THSD4: variants seen among roughly 807,000 people sequenced by gnomAD.
THSD4 encodes the protein thrombospondin type-1 domain-containing protein 4.
Under a neutral mutation model 119.0 loss-of-function variants are expected in THSD4, and 69 were observed. The ratio of observed to expected loss-of-function variants is 0.58; its 90% CI spans 0.48 to 0.71. THSD4 has a LOEUF of 0.71. Among genes scored for constraint, THSD4 ranks in the 30% least tolerant of loss-of-function variants. THSD4 has a pLI of 0.00. For missense variants in THSD4, 1,393 were observed against 1,391.1 expected, an observed-to-expected ratio of 1.00 and a Z score of -0.02; for synonymous variants, 524 against 540.4, an observed-to-expected ratio of 0.97 and a Z score of 0.42.
intron 7 of THSD4, among the ~76,000 whole-genome samples, chr15:71,469,716 TG>T (rs1244426409): frequency 6.6e-6 from 1 of 152,234 alleles, no homozygotes; most frequent in Non-Finnish European, 1.5e-5. Context: ...TTCAGTCTGG[TG>T]ATCTCCCTCC....
intron 7 of THSD4, among the ~76,000 whole-genome samples, chr15:71,448,992 C>G (rs2047227688): frequency 6.6e-6 from 1 of 152,170 alleles, no homozygotes; most frequent in Non-Finnish European, 1.5e-5. Flanking sequence ...AACCCCCTTG[C>G]CTTCTGTTCA....
chr15:71,118,441 C>T (rs2040381456), intron 1 of THSD4, among the ~76,000 whole-genome samples: 1 of 152,166 alleles, frequency 6.6e-6, no homozygotes, highest in South Asian at 2.1e-4. Context: ...TGTGTCTCTT[C>T]CCTGCATTCT....
chr15:71,434,227 C>G (rs2046976928), intron 7 of THSD4, among the ~76,000 whole-genome samples: 1 of 152,056 alleles, frequency 6.6e-6, no homozygotes, highest in Non-Finnish European at 1.5e-5. Context: ...TAAATCGGTA[C>G]CATCTAAACA....
chr15:71,602,957 G>A (rs1335692777), intron 7 of THSD4, among the ~76,000 whole-genome samples: 1 of 152,198 alleles, frequency 6.6e-6, no homozygotes, highest in Admixed American at 6.5e-5. Flanking sequence ...GTAGCCACTG[G>A]TGAGAAGGCA....
At chr15:71,655,348 G>GT (rs891870838) in intron 7 of THSD4, among the ~76,000 whole-genome samples, 1 of 152,072 alleles carries the variant, frequency 6.6e-6, no homozygotes, top group Admixed American at 6.6e-5. Context: ...GTTTTGTTTT[G>GT]TTTTTTGCAC....
chr15:71,311,609 A>G (rs2045112159), intron 6 of THSD4, among the ~76,000 whole-genome samples: 1 of 152,052 alleles, frequency 6.6e-6, no homozygotes, highest in South Asian at 2.1e-4. Context: ...CTGCTTCCAC[A>G]TGTCCTCTTT....
At chr15:71,319,365 A>G (rs2140358690) in intron 6 of THSD4, among the ~76,000 whole-genome samples, 1 of 150,408 alleles carries the variant, frequency 6.6e-6, no homozygotes, top group Non-Finnish European at 1.5e-5. Flanking sequence ...TACATTAGGT[A>G]TTTCTCCTAA....
intron 8 of THSD4, among the ~76,000 whole-genome samples, chr15:71,719,301 TCA>T (rs1448184959): frequency 6.6e-6 from 1 of 152,186 alleles, no homozygotes; most frequent in Non-Finnish European, 1.5e-5. Context: ...TTTTAGAAAC[TCA>T]CACAGGTTTG....
At chr15:71,712,941 A>G (rs1237800034) in intron 8 of THSD4, among the ~76,000 whole-genome samples, 1 of 152,200 alleles carries the variant, frequency 6.6e-6, no homozygotes, top group African/African-American at 2.4e-5. Flanking sequence ...GGGAAGGGGA[A>G]TTTTTCAAGG....
intron 6 of THSD4, among the ~76,000 whole-genome samples, chr15:71,299,608 A>G (rs1292617257): frequency 6.6e-6 from 1 of 152,168 alleles, no homozygotes; most frequent in Middle Eastern, 3.2e-3. Context: ...GTTAGAAGGA[A>G]TAAGTTCTAG....
At chr15:71,114,833 T>C (rs1199264361), upstream of THSD4, 1 of 152,224 alleles carries the variant, frequency 6.6e-6, no homozygotes, top group East Asian at 1.9e-4. Context: ...AGGGTGTGTG[T>C]GTCTCCTCCC....
chr15:71,254,201 G>A (rs1162896525), intron 5 of THSD4, among the ~76,000 whole-genome samples: 1 of 152,190 alleles, frequency 6.6e-6, no homozygotes, highest in African/African-American at 2.4e-5. Context: ...TTTCTGCTAC[G>A]AAGACCTGCG....
At chr15:71,471,337 T>A (rs929676887) in intron 7 of THSD4, among the ~76,000 whole-genome samples, 2 of 152,142 alleles carry the variant, frequency 1.3e-5, no homozygotes, top group Admixed American at 1.3e-4. Context: ...TGACAGAGTT[T>A]CCAGAATGTC....
At chr15:71,608,460 A>C (rs934197470) in intron 7 of THSD4, among the ~76,000 whole-genome samples, 14 of 152,106 alleles carry the variant, frequency 9.2e-5, no homozygotes, top group Non-Finnish European at 1.9e-4. Flanking sequence ...ATTTTAAGCA[A>C]TCTCTTACAC....
intron 7 of THSD4, among the ~76,000 whole-genome samples, chr15:71,415,285 A>G (rs754808884): frequency 1.3e-5 from 2 of 152,262 alleles, no homozygotes; most frequent in Non-Finnish European, 2.9e-5. Context: ...AGCCAAGTAA[A>G]GGCCGCAGGC....
rs181332456 is a variant in THSD4, at chr15:71,385,120, A to G, written c.1016-26567A>G. ...CCAGTCCAGTTAATTATTGGATCCA[A>G]TCCAATCCTGGATCCAGTCCAGTTG... On this transcript the variant is annotated intron_variant, in intron 6 of 17. Coordinates refer to ENST00000261862, the MANE Select transcript of THSD4 (RefSeq NM_024817.3). Among the ~76,000 whole-genome samples, 580 of 152,278 alleles carry G rather than the reference A, an allele frequency of 3.8e-3. 11 individuals carry two copies. Among genetic ancestry groups the G allele is most frequent in the Admixed American group, 0.035 (541 of 15,300 alleles).
At chr15:71,655,099 C>T (rs771659101) in intron 7 of THSD4, among the ~76,000 whole-genome samples, 26 of 152,166 alleles carry the variant, frequency 1.7e-4, no homozygotes, top group Admixed American at 2.6e-4. Context: ...TTTCCTACAA[C>T]GTGTTGCAGA....
chr15:71,288,073 T>C (rs913225827), intron 6 of THSD4, among the ~76,000 whole-genome samples: 17 of 152,152 alleles, frequency 1.1e-4, no homozygotes, highest in African/African-American at 4.1e-4. Context: ...GATGTTCTAG[T>C]TTGCACCTGA....
chr15:71,571,319 A>G (rs2049351175), intron 7 of THSD4, among the ~76,000 whole-genome samples: 2 of 152,210 alleles, frequency 1.3e-5, no homozygotes, highest in African/African-American at 4.8e-5. Flanking sequence ...CCTGAGGGGT[A>G]GAATGCCGCA....
Sources: allele counts gnomAD v4.1 joint callset (sites outside exome capture counted in the v4.1 genomes callset), GRCh38; gene constraint gnomAD v4.1.1; transcripts MANE v1.5; gene names NCBI Gene and HGNC (gene_info 2026-07-23, HGNC 2026-07-21).